The following FILIP1 variants were observed in gnomAD, a reference collection of about 807,000 sequenced individuals.
The protein encoded by FILIP1 is filamin A interacting protein 1, also known as filamin-A-interacting protein 1.
In FILIP1, 61 loss-of-function variants were observed where a neutral mutation model predicts 102.1. That is an observed-to-expected ratio of 0.60 (90% CI 0.49 to 0.74). The LOEUF is 0.74. Among genes scored for constraint, FILIP1 ranks in the 30% least tolerant of loss-of-function variants. The pLI, the probability that FILIP1 is intolerant of heterozygous loss-of-function variation, is 0.00. For synonymous variants in FILIP1, 491 were observed against 526.9 expected (o/e 0.93, Z 0.93); for missense variants, 1,314 against 1,441.2 (o/e 0.91, Z 1.43).
chr6:75,314,649 C>T lies in FILIP1; in HGVS notation c.1183G>A (p.Glu395Lys). The T allele has an allele frequency of 6.2e-7, 1 of 1,613,704 alleles. No homozygotes were observed. The highest frequency in any genetic ancestry group is 8.5e-7 in the Non-Finnish European group (1 of 1,179,924). ...KRVLEMEGKD[E>K]EITKTESQCR... Reference sequence around the variant, plus strand: ...TGGGATTCAGTTTTAGTGATCTCCTCATCTTTACCTTCCATTTCAAGCACA... The same window carrying T: ...TGGGATTCAGTTTTAGTGATCTCCTTATCTTTACCTTCCATTTCAAGCACA... The change falls in exon 5 of 6, where the codon GAG (glutamate) becomes AAG (lysine). Residue 395 changes from glutamate to lysine, a missense_variant. Physicochemically the swap from Glu to Lys is moderately conservative, Grantham distance 56. Around this residue, in one of 3 missense-constraint regions of FILIP1, gnomAD observed 494 missense variants for 511.2 expected, o/e 0.97. Coordinates refer to ENST00000237172, the MANE Select transcript of FILIP1 (RefSeq NM_015687.5).
intron 1 of FILIP1, among the ~76,000 whole-genome samples, chr6:75,420,814 T>C (rs570717326): frequency 6.6e-6 from 1 of 152,328 alleles, no homozygotes; most frequent in African/African-American, 2.4e-5. Flanking sequence ...CACTTGCTTA[T>C]ATTATTGTTA....
intron 2 of FILIP1, among the ~76,000 whole-genome samples, chr6:75,384,297 A>C (rs1030567248): frequency 7.2e-5 from 11 of 152,172 alleles, no homozygotes; most frequent in Admixed American, 5.9e-4. Context: ...TAGTAATTAA[A>C]TCAAACCTTT....
intron 2 of FILIP1, among the ~76,000 whole-genome samples, chr6:75,403,923 T>C (rs1239289027): frequency 2.0e-5 from 3 of 152,204 alleles, no homozygotes; most frequent in African/African-American, 7.2e-5. Flanking sequence ...ATTCGTTAGA[T>C]GACACAGACT....
chr6:75,330,498 AG>A (rs1774041323), intron 4 of FILIP1, among the ~76,000 whole-genome samples: 1 of 152,150 alleles, frequency 6.6e-6, no homozygotes, highest in Non-Finnish European at 1.5e-5. Flanking sequence ...TATTTCACAT[AG>A]TCCCACTCTA....
chr6:75,451,676 C>T (rs1371888600), intron 1 of FILIP1, among the ~76,000 whole-genome samples: 1 of 151,858 alleles, frequency 6.6e-6, no homozygotes, highest in African/African-American at 2.4e-5. Flanking sequence ...ACTAAAAATA[C>T]AAAAATTAGC....
exon 7 of FILIP1, chr6:75,295,766 T>C (rs1327671393): frequency 2.2e-6 from 1 of 462,916 alleles, no homozygotes; most frequent in Non-Finnish European, 3.5e-6. Flanking sequence ...TTACATTATA[T>C]CCTTAAAAAA....
At chr6:75,482,205 AT>A (rs1299733188) in intron 1 of FILIP1, among the ~76,000 whole-genome samples, 1 of 152,214 alleles carries the variant, frequency 6.6e-6, no homozygotes, top group African/African-American at 2.4e-5. Context: ...TAATGGCATC[AT>A]TGGAATTTGG....
chr6:75,474,962 C>G (rs988817105), intron 1 of FILIP1, among the ~76,000 whole-genome samples: 1 of 152,054 alleles, frequency 6.6e-6, no homozygotes, highest in East Asian at 1.9e-4. Context: ...GACATGCCTA[C>G]TCCCCCTTCA....
At chr6:75,440,960 A>G (rs1391323534) in intron 1 of FILIP1, among the ~76,000 whole-genome samples, 1 of 151,974 alleles carries the variant, frequency 6.6e-6, no homozygotes, top group African/African-American at 2.4e-5. Context: ...AAAAAAAAAA[A>G]AAGGTATGAC....
chr6:75,321,517 G>C (rs372638014), intron 4 of FILIP1, among the ~76,000 whole-genome samples: 1 of 152,194 alleles, frequency 6.6e-6, no homozygotes, highest in Non-Finnish European at 1.5e-5. Context: ...GTGATCGGCC[G>C]GGCGCGGTGG....
intron 1 of FILIP1, among the ~76,000 whole-genome samples, chr6:75,446,463 G>T (rs1778444742): frequency 1.3e-5 from 2 of 152,076 alleles, no homozygotes. Flanking sequence ...AATCTACATT[G>T]CACAGTCATT....
chr6:75,489,810 A>G (rs1294673178), intron 1 of FILIP1, among the ~76,000 whole-genome samples: 2 of 151,990 alleles, frequency 1.3e-5, no homozygotes, highest in Non-Finnish European at 2.9e-5. Context: ...TTTTCTATTT[A>G]TTGCTATATA....
chr6:75,372,785 AG>A (rs1562516155), intron 2 of FILIP1, among the ~76,000 whole-genome samples: 1 of 78,304 alleles, frequency 1.3e-5, no homozygotes, highest in Non-Finnish European at 2.7e-5. Context: ...AAAGAAAGAA[AG>A]AAAGAAAGAA....
chr6:75,345,751 G>C (rs1353315577), intron 4 of FILIP1, among the ~76,000 whole-genome samples: 9 of 152,146 alleles, frequency 5.9e-5, no homozygotes, highest in Non-Finnish European at 1.2e-4. Flanking sequence ...CACAAAGAGA[G>C]AGACAGCTGC....
chr6:75,467,235 G>A (rs1033891812), intron 1 of FILIP1, among the ~76,000 whole-genome samples: 3 of 152,048 alleles, frequency 2.0e-5, no homozygotes, highest in Non-Finnish European at 4.4e-5. Context: ...CAGCTTTATT[G>A]AAGTATAATT....
At chr6:75,476,009 G>A (rs985968861) in intron 1 of FILIP1, among the ~76,000 whole-genome samples, 5 of 152,134 alleles carry the variant, frequency 3.3e-5, no homozygotes, top group African/African-American at 1.2e-4. Context: ...GGAAGGCCGA[G>A]GCAGGAGGTT....
chr6:75,457,973 C>T (rs1349138817), intron 1 of FILIP1, among the ~76,000 whole-genome samples: 1 of 152,090 alleles, frequency 6.6e-6, no homozygotes, highest in Non-Finnish European at 1.5e-5. Flanking sequence ...TGTGCCACCA[C>T]CTCACCCACC....
chr6:75,408,316 G>A (rs1447568040), intron 2 of FILIP1, among the ~76,000 whole-genome samples: 1 of 152,158 alleles, frequency 6.6e-6, no homozygotes, highest in Non-Finnish European at 1.5e-5. Context: ...CCCTCTTCAA[G>A]ACAAGGGTCA....
In FILIP1 at chr6:75,321,827, G is replaced by A. The variant is rs151191904; in HGVS notation, c.630-6625C>T. Among the ~76,000 whole-genome samples, 97 of 150,744 alleles carry A rather than the reference G, an allele frequency of 6.4e-4. No homozygotes were observed. The East Asian group carries it at 0.017, about 27-fold the overall frequency. On this transcript the variant is annotated intron_variant, in intron 4 of 5. Transcript: ENST00000237172. The stretch of plus-strand genomic sequence containing the variant: ...AAAAAAAAAAAAAAGAAATGAATGT[G>A]ATCTCCAAAGTAGAACATATCTAAA...
Sources: allele counts gnomAD v4.1 joint callset (sites outside exome capture counted in the v4.1 genomes callset), GRCh38; gene constraint gnomAD v4.1.1; regional missense constraint gnomAD v4.1.1; transcripts MANE v1.5; gene names NCBI Gene and HGNC (gene_info 2026-07-23, HGNC 2026-07-21).